VWC2L: variants seen among roughly 807,000 people sequenced by gnomAD.
The protein encoded by VWC2L is von Willebrand factor C domain containing 2 like.
VWC2L carries 10 observed loss-of-function variants against 21.6 expected under a neutral mutation model. That is an observed-to-expected ratio of 0.46 (90% CI 0.29 to 0.78). The LOEUF (loss-of-function observed/expected upper bound fraction) is 0.78, where lower values mean the gene tolerates loss of function less well. Among genes scored for constraint, VWC2L ranks in the 30% least tolerant of loss-of-function variants. The pLI, the probability that VWC2L is intolerant of heterozygous loss-of-function variation, is 0.10. For missense variants in VWC2L, 209 were observed against 277.1 expected (o/e 0.75, Z 1.74); for synonymous variants, 96 against 94.3 (o/e 1.02, Z -0.10).
chr2:214,478,034 A>C (rs1688550736), intron 3 of VWC2L, among the ~76,000 whole-genome samples: 1 of 152,220 alleles, frequency 6.6e-6, no homozygotes, highest in Non-Finnish European at 1.5e-5. Context: ...TTTAAGTCAC[A>C]AACATAGTCT....
intron 3 of VWC2L, among the ~76,000 whole-genome samples, chr2:214,572,912 G>C (rs1217111134): frequency 1.3e-5 from 2 of 152,092 alleles, no homozygotes; most frequent in Non-Finnish European, 1.5e-5. Context: ...GGTTAGGCCT[G>C]GCACGTGCAA....
chr2:214,488,460 G>A (rs190038695), intron 3 of VWC2L, among the ~76,000 whole-genome samples: 6 of 152,192 alleles, frequency 3.9e-5, no homozygotes, highest in Admixed American at 2.6e-4. Context: ...TTAGCCAGCC[G>A]TAGTGGTGTA....
chr2:214,470,795 C>T (rs1270486535), intron 3 of VWC2L, among the ~76,000 whole-genome samples: 1 of 151,646 alleles, frequency 6.6e-6, no homozygotes, highest in Non-Finnish European at 1.5e-5. Flanking sequence ...TGCCTGTAAT[C>T]CCAGCTATTC....
chr2:214,460,159 T>C (rs1703119251), intron 3 of VWC2L, among the ~76,000 whole-genome samples: 1 of 152,054 alleles, frequency 6.6e-6, no homozygotes. Context: ...CCTCAGCCTC[T>C]TAAAATCCTG....
At chr2:214,453,532 G>T (rs1332197576) in intron 3 of VWC2L, among the ~76,000 whole-genome samples, 2 of 151,922 alleles carry the variant, frequency 1.3e-5, no homozygotes, top group Non-Finnish European at 2.9e-5. Flanking sequence ...AATTTTAATT[G>T]GTATTTCATT....
At chr2:214,472,679 G>A (rs4511718) in intron 3 of VWC2L, among the ~76,000 whole-genome samples, 1 of 152,306 alleles carries the variant, frequency 6.6e-6, no homozygotes, top group African/African-American at 2.4e-5. Flanking sequence ...GATTGGCATA[G>A]CATGTCACCA....
intron 3 of VWC2L, among the ~76,000 whole-genome samples, chr2:214,495,469 A>G (rs1447790701): frequency 2.6e-5 from 4 of 152,162 alleles, no homozygotes. Flanking sequence ...TGCCAAGATA[A>G]TAAATCCAGG....
At chr2:214,453,987 C>G (rs905196927) in intron 3 of VWC2L, among the ~76,000 whole-genome samples, 1 of 152,070 alleles carries the variant, frequency 6.6e-6, no homozygotes, top group Non-Finnish European at 1.5e-5. Context: ...TCCCAAAGTG[C>G]TAGAATTACA....
chr2:214,520,197 A>G (rs1274794304), intron 3 of VWC2L, among the ~76,000 whole-genome samples: 1 of 152,144 alleles, frequency 6.6e-6, no homozygotes, highest in Non-Finnish European at 1.5e-5. Context: ...ACATCTGGGC[A>G]TACATTTTTC....
At position 214,578,251 on chromosome 2, in the gene VWC2L, GA is replaced by G. The variant is rs1425666221; in HGVS notation, c.*2434del. On this transcript the variant is annotated 3_prime_UTR_variant, in exon 4 of 4. Transcript: ENST00000312504. ...TTACTATGTCCTTTTTTAGAAAACA[GA>G]AAGAGAGTACAACTGGGAAGCTGAA... 6.6e-6 allele frequency: 1 copy of G among 152,136 alleles called. No homozygotes were observed. The allele number at this position is 152,136 out of a possible 1,614,324, so 9.4% of individuals were successfully genotyped here.
At chr2:214,475,667 T>C (rs562772266) in intron 3 of VWC2L, among the ~76,000 whole-genome samples, 7 of 152,182 alleles carry the variant, frequency 4.6e-5, no homozygotes, top group African/African-American at 1.7e-4. Context: ...GTGAAACTGA[T>C]ATTAAGTCTC....
chr2:214,549,021 G>C (rs563146407), intron 3 of VWC2L, among the ~76,000 whole-genome samples: 3 of 152,128 alleles, frequency 2.0e-5, no homozygotes, highest in African/African-American at 7.2e-5. Flanking sequence ...TGTTCTGGAG[G>C]CTCCAAGAAA....
chr2:214,473,530 C>A (rs550365298), intron 3 of VWC2L, among the ~76,000 whole-genome samples: 1 of 152,242 alleles, frequency 6.6e-6, no homozygotes, highest in Non-Finnish European at 1.5e-5. Context: ...GGAGGACAGT[C>A]TATGGGAGAT....
intron 3 of VWC2L, among the ~76,000 whole-genome samples, chr2:214,556,948 T>C (rs1414498276): frequency 1.3e-5 from 2 of 152,228 alleles, no homozygotes; most frequent in Non-Finnish European, 2.9e-5. Flanking sequence ...GCACATGGTG[T>C]GCATTGACTC....
intron 2 of VWC2L, among the ~76,000 whole-genome samples, chr2:214,430,143 G>GAA (rs59486876): frequency 1.4e-5 from 2 of 146,594 alleles, no homozygotes; most frequent in East Asian, 4.0e-4. Context: ...ATAATTTTAG[G>GAA]AAAAAAAAAA....
At chr2:214,523,844 AAATTAGTT>A (rs1689283467) in intron 3 of VWC2L, among the ~76,000 whole-genome samples, 1 of 152,182 alleles carries the variant, frequency 6.6e-6, no homozygotes, top group Non-Finnish European at 1.5e-5. Context: ...CAAAATAAAT[AAATTAGTT>A]AATTAGTTGA....
Position 214,576,646 on chromosome 2 carries a change from T to G in VWC2L, c.*826T>G, listed in dbSNP as rs1397000961. ...TTTTTCATGATGTGAAATTTGAGTT[T>G]GGTTTGTAGCTAAACACACTCTAAA... On this transcript the variant is annotated 3_prime_UTR_variant, in exon 4 of 4. Coordinates refer to ENST00000312504, the MANE Select transcript of VWC2L (RefSeq NM_001080500.4). 1.3e-5 allele frequency: 2 copies of G among 152,202 alleles called. No homozygotes were observed. The highest frequency in any genetic ancestry group is 4.8e-5 in the African/African-American group (2 of 41,456). The allele number at this position is 152,202 out of a possible 1,614,324, so 9.4% of individuals were successfully genotyped here.
At chr2:214,431,667 T>A (rs1013037991) in intron 2 of VWC2L, among the ~76,000 whole-genome samples, 1 of 152,228 alleles carries the variant, frequency 6.6e-6, no homozygotes, top group Admixed American at 6.5e-5. Flanking sequence ...CCCATCCTTT[T>A]GGGAAATGGA....
intron 3 of VWC2L, among the ~76,000 whole-genome samples, chr2:214,538,613 A>G (rs1689577431): frequency 6.7e-6 from 1 of 148,390 alleles, no homozygotes; most frequent in Admixed American, 6.8e-5. Flanking sequence ...ATTAATTAGT[A>G]TACATGTTTA....
Sources: allele counts gnomAD v4.1 joint callset (sites outside exome capture counted in the v4.1 genomes callset), GRCh38; gene constraint gnomAD v4.1.1; transcripts MANE v1.5; gene names NCBI Gene and HGNC (gene_info 2026-07-23, HGNC 2026-07-21).